COL9A2: variants seen among roughly 807,000 people sequenced by gnomAD.
The protein encoded by COL9A2 is collagen type IX alpha 2 chain, also known as collagen alpha-2(IX) chain.
In COL9A2, 66 loss-of-function variants were observed where a neutral mutation model predicts 111.6. The observed-to-expected ratio is 0.59, with a 90% CI of 0.48 to 0.73. The LOEUF is 0.73. Among genes scored for constraint, COL9A2 ranks in the 30% least tolerant of loss-of-function variants. The probability of loss-of-function intolerance (pLI) is 0.00; values close to 1 mark genes in which losing one functional copy is unlikely to be tolerated. For missense variants in COL9A2, 881 were observed against 954.1 expected (o/e 0.92, Z 1.01); for synonymous variants, 353 against 364.1 (o/e 0.97, Z 0.35).
At position 40,305,755 on chromosome 1, in the gene COL9A2, G is replaced by T; in HGVS notation, c.1067C>A (p.Pro356Gln). ...GGPGDQGEPGPQGLPGFSGPP... is the reference protein window; with the variant it reads ...GGPGDQGEPGQQGLPGFSGPP... ...ACCAGAGAATCCAGGAAGGCCCTGC[G>T]GGCCCGGCTCACCCTGCAGGAAAAC... Residue 356 changes from proline to glutamine, a missense_variant, in exon 21 of 32, where the codon CCG becomes CAG. Pro to Gln is a moderately conservative substitution (Grantham distance 76). Transcript: ENST00000372748. 6.2e-7 allele frequency: 1 copy of T among 1,614,110 alleles called. No homozygotes were observed. The highest frequency in any genetic ancestry group is 1.3e-5 in the African/African-American group (1 of 75,048).
At position 40,308,255 on chromosome 1, in the gene COL9A2, G is replaced by A. The variant is rs766358117; in HGVS notation, c.847-10C>T. 20 of 1,613,452 alleles carry A rather than the reference G, an allele frequency of 1.2e-5. No individual in the cohort carries two copies. Among genetic ancestry groups the A allele is most frequent in the East Asian group, 2.2e-5 (1 of 44,864 alleles). On this transcript the variant is annotated splice_polypyrimidine_tract_variant and intron_variant, in intron 16 of 31. Transcript: ENST00000372748. ...GAATACCTGGGCTGCCCTGCAAAGCGGAGAGAGATCAGGTCACCCTCAGGA... is the reference window on the plus strand; with the variant it reads ...GAATACCTGGGCTGCCCTGCAAAGCAGAGAGAGATCAGGTCACCCTCAGGA...
At position 40,311,094 on chromosome 1, in the gene COL9A2, G is replaced by A. The variant is rs199831035; in HGVS notation, c.629C>T (p.Pro210Leu). The A allele has an allele frequency of 8.9e-5, 143 of 1,614,036 alleles. No individual in the cohort carries two copies. The highest frequency in any genetic ancestry group is 5.0e-4 in the Middle Eastern group (3 of 5,968). The change falls in exon 12 of 32, where the codon CCG (proline) becomes CTG (leucine). Residue 210 changes from proline (P) to leucine (L), a missense_variant and splice_region_variant. Transcript: ENST00000372748. This position sits in a 1 kb window ranked among gnomAD's most constrained non-coding sequence, Gnocchi z 5.1. ...ILGDPGHQGK[P>L]GPKGDVGASG... ...ACAGCCCTCAGCCCTTGCACTCACCGGCTTCCCCTGGTGGCCAGGATCACC... is the reference window on the plus strand; with the variant it reads ...ACAGCCCTCAGCCCTTGCACTCACCAGCTTCCCCTGGTGGCCAGGATCACC...
intron 16 of COL9A2, among the ~76,000 whole-genome samples, chr1:40,308,453 G>C (rs918469204): frequency 6.6e-6 from 1 of 152,222 alleles, no homozygotes; most frequent in African/African-American, 2.4e-5. Flanking sequence ...GTGCCAGGAG[G>C]CCAGGCTGGG....
Position 40,316,858 on chromosome 1 carries a change from C to A in COL9A2, c.75+265G>T, listed in dbSNP as rs775093657. ...CCGGGCTGCCAGGACCGGGCGCCAG[C>A]TCCTGCCCCACGCTGCCTGTCCCGG... On this transcript the variant is annotated intron_variant, in intron 1 of 31. Coordinates refer to ENST00000372748, the MANE Select transcript of COL9A2 (RefSeq NM_001852.4). The surrounding 1 kb of genome is among the most constrained non-coding windows in gnomAD (Gnocchi z 5.5). 3.3e-5 allele frequency among the ~76,000 whole-genome samples: 5 copies of A among 152,206 alleles called. No homozygotes were observed. The highest frequency in any genetic ancestry group is 7.4e-5 in the Non-Finnish European group (5 of 68,020).
In COL9A2 at chr1:40,311,296, G is replaced by C; in HGVS notation, c.520-10C>G. The C allele has an allele frequency of 1.2e-6, 2 of 1,613,618 alleles. No individual in the cohort carries two copies. Among genetic ancestry groups the C allele is most frequent in the Non-Finnish European group, 1.7e-6 (2 of 1,179,768 alleles). On this transcript the variant is annotated splice_polypyrimidine_tract_variant and intron_variant, in intron 10 of 31. Transcript: ENST00000372748. This position sits in a 1 kb window ranked among gnomAD's most constrained non-coding sequence, Gnocchi z 5.1. Reference sequence around the variant, plus strand: ...GACAGTTGGTTGGACACTGGAAACAGAAAATCCCACAGGGTCCTGTGATCA... The same window carrying C: ...GACAGTTGGTTGGACACTGGAAACACAAAATCCCACAGGGTCCTGTGATCA...
chr1:40,315,230 A>T, intron 2 of COL9A2: 1 of 1,073,708 alleles, frequency 9.3e-7, no homozygotes, highest in Non-Finnish European at 1.1e-6. Flanking sequence ...CAAGGCTCCC[A>T]AGCGAACCTG....
rs528013572 is a variant in COL9A2, at chr1:40,302,980, T to C, written c.1603+151A>G. 1.5e-5 allele frequency: 16 copies of C among 1,076,252 alleles called. No homozygotes were observed. In the South Asian group the frequency reaches 2.2e-4, roughly 15 times the overall value. 66.7% of individuals were successfully genotyped at this position (1,076,252 alleles called of 1,614,324 possible). A position where few individuals can be genotyped will look rare whatever the true frequency, so the allele number is the denominator to read the frequency against. ...GAAGTCAAAGGCCCAGAGTGACTTATTCAAGGTCCCAAAACCCTTCAGAGA... is the reference window on the plus strand; with the variant it reads ...GAAGTCAAAGGCCCAGAGTGACTTACTCAAGGTCCCAAAACCCTTCAGAGA... On this transcript the variant is annotated intron_variant, in intron 29 of 31. Coordinates refer to ENST00000372748, the MANE Select transcript of COL9A2 (RefSeq NM_001852.4). The surrounding 1 kb of genome is among the most constrained non-coding windows in gnomAD (Gnocchi z 4.5).
intron 1 of COL9A2, chr1:40,315,992 T>G: frequency 3.5e-6 from 1 of 287,140 alleles, no homozygotes; most frequent in Non-Finnish European, 6.5e-6. Context: ...CCTTCCACTG[T>G]GCCAGTTTGC....
At position 40,304,718 on chromosome 1, in the gene COL9A2, C is replaced by T. The variant is rs1380242129; in HGVS notation, c.1161+76G>A. 2.5e-5 allele frequency: 36 copies of T among 1,454,532 alleles called. No homozygotes were observed. In the South Asian group the frequency reaches 2.6e-4, roughly 10 times the overall value. 90.1% of individuals were successfully genotyped at this position (1,454,532 alleles called of 1,614,324 possible). A position where few individuals can be genotyped will look rare whatever the true frequency, so the allele number is the denominator to read the frequency against. ...CTGGGGAGGCATCTCACGGGCTGCA[C>T]GGAGCAGATGCTGTATCCAGCAGTG... is the stretch of plus-strand genomic sequence containing the variant. On this transcript the variant is annotated intron_variant, in intron 22 of 31. Coordinates refer to ENST00000372748, the MANE Select transcript of COL9A2 (RefSeq NM_001852.4).
At chr1:40,304,123 G>A (rs1335112859) in intron 24 of COL9A2, 24 bp from the exon 25 acceptor site, 1 of 1,540,744 alleles carries the variant, frequency 6.5e-7, no homozygotes, top group Non-Finnish European at 8.7e-7. Flanking sequence ...GCAGTGAGGG[G>A]TTTGGCGAGC....
intron 23 of COL9A2, 29 bp downstream of exon 23, chr1:40,304,447 C>T (rs746592251): frequency 6.8e-6 from 11 of 1,614,000 alleles, no homozygotes; most frequent in Middle Eastern, 1.6e-4. Flanking sequence ...GATATGACGC[C>T]CTGCCCACCT....
rs1643950561 is a variant in COL9A2, at chr1:40,303,545, C to G, written c.1533G>C (p.Gly511=). 3 of 1,612,124 alleles carry G rather than the reference C, an allele frequency of 1.9e-6. No individual in the cohort carries two copies. Among genetic ancestry groups the G allele is most frequent in the Non-Finnish European group, 2.5e-6 (3 of 1,179,626 alleles). The change falls in exon 28 of 32, where the codon GGG becomes GGC. Residue 511 remains glycine, a synonymous_variant. Transcript: ENST00000372748. The surrounding 1 kb of genome is among the most constrained non-coding windows in gnomAD (Gnocchi z 4.6). ...AGNRGVPGQP[G]RQGVEGRDAT... The stretch of plus-strand genomic sequence containing the variant: ...CCCGACTCACCTCCACGCCCTGTCT[C>G]CCGGGCTGTCCTGGCACGCCTCGGT...
intron 2 of COL9A2, 99 bp downstream of exon 2, chr1:40,315,491 C>T: frequency 6.8e-7 from 1 of 1,469,552 alleles, no homozygotes; most frequent in African/African-American, 1.6e-5. Context: ...GGCACTACAT[C>T]TCCGGGCACC....
rs986600288 is a variant in COL9A2, at chr1:40,307,010, A to G, written c.1008+436T>C. 2.6e-5 allele frequency among the ~76,000 whole-genome samples: 4 copies of G among 151,888 alleles called. No individual in the cohort carries two copies. The highest frequency in any genetic ancestry group is 9.7e-5 in the African/African-American group (4 of 41,338). On this transcript the variant is annotated intron_variant, in intron 19 of 31. Coordinates refer to ENST00000372748, the MANE Select transcript of COL9A2 (RefSeq NM_001852.4). The surrounding 1 kb of genome is among the most constrained non-coding windows in gnomAD (Gnocchi z 4.8). ...CAGGCATGAGCCGCCACGCCCAGCTAATTTTTGTATTTTTAGTAGAGACGG... is the reference window on the plus strand; with the variant it reads ...CAGGCATGAGCCGCCACGCCCAGCTGATTTTTGTATTTTTAGTAGAGACGG...
chr1:40,308,074 G>A (rs1644058666), intron 17 of COL9A2, 118 bp downstream of exon 17: 3 of 1,016,472 alleles, frequency 3.0e-6, no homozygotes, highest in African/African-American at 1.6e-5. Flanking sequence ...TGAGGTTATG[G>A]AGCCAGCCCA....
At position 40,312,467 on chromosome 1, in the gene COL9A2, C is replaced by A. The variant is rs747104088; in HGVS notation, c.352G>T (p.Ala118Ser). The A allele has an allele frequency of 8.7e-6, 14 of 1,613,744 alleles. No homozygotes were observed. The highest frequency in any genetic ancestry group is 1.2e-5 in the Non-Finnish European group (14 of 1,179,864). The change falls in exon 7 of 32, where the codon GCT (alanine) becomes TCT (serine). Residue 118 changes from alanine (A) to serine (S), a missense_variant. Coordinates refer to ENST00000372748, the MANE Select transcript of COL9A2 (RefSeq NM_001852.4). This position sits in a 1 kb window ranked among gnomAD's most constrained non-coding sequence, Gnocchi z 6.0. ...GPPGLPGPGFAGPPGPPGPVG... is the reference protein window; with the variant it reads ...GPPGLPGPGFSGPPGPPGPVG... ...CCCTGAGGACTTACAGGAGGTCCAGCAAAACCAGGGCCCTGGAACAGAAAG... is the reference window on the plus strand; with the variant it reads ...CCCTGAGGACTTACAGGAGGTCCAGAAAAACCAGGGCCCTGGAACAGAAAG...
In COL9A2 at chr1:40,311,502, G is replaced by A. The variant is rs938312225; in HGVS notation, c.517C>T (p.Leu173=). The change falls in exon 10 of 32, where the codon CTG becomes TTG. Residue 173 remains leucine (L), a splice_region_variant and synonymous_variant. Transcript: ENST00000372748. This position sits in a 1 kb window ranked among gnomAD's most constrained non-coding sequence, Gnocchi z 5.1. ...CCGCCCCAGACCTCGTCTCTCACCA[G>A]GAAATCCGCACTGCCTTCCAGACCC... ...IQGLEGSADF[L]CPTNCPPGMK... 1.3e-6 allele frequency: 2 copies of A among 1,499,518 alleles called. No individual in the cohort carries two copies. The highest frequency in any genetic ancestry group is 1.8e-6 in the Non-Finnish European group (2 of 1,110,444). The allele number at this position is 1,499,518 out of a possible 1,614,324, so 92.9% of individuals were successfully genotyped here.
chr1:40,305,911 TC>T (rs1170920486), intron 20 of COL9A2, 143 bp from the exon 21 acceptor site: 4 of 835,744 alleles, frequency 4.8e-6, no homozygotes, highest in Non-Finnish European at 8.0e-6. Flanking sequence ...TCCTCTTGGC[TC>T]CTGATTTTCC....
At chr1:40,309,535 T>C (rs933669160) in intron 16 of COL9A2, among the ~76,000 whole-genome samples, 1 of 151,946 alleles carries the variant, frequency 6.6e-6, no homozygotes, top group African/African-American at 2.4e-5. Context: ...CCAGTGACCA[T>C]GGGACTGGAT....
Sources: gnomAD v4.1 joint callset for allele counts (sites outside exome capture counted in the v4.1 genomes callset) on GRCh38, gnomAD v4.1.1 for gene constraint, Gnocchi (gnomAD v3.1) non-coding constraint, MANE v1.5 for transcripts, NCBI Gene and HGNC (gene_info 2026-07-23, HGNC 2026-07-21) for gene names.